Variants in SND1 observed in about 807,000 individuals in gnomAD.
SND1 encodes staphylococcal nuclease domain-containing protein 1.
In SND1, 38 loss-of-function variants were observed where a neutral mutation model predicts 121.7. The observed-to-expected ratio is 0.31, with a 90% CI of 0.24 to 0.41. SND1 has a LOEUF of 0.41. Among genes scored for constraint, SND1 ranks in the 10% least tolerant of loss-of-function variants. SND1 has a pLI of 1.00. For missense variants in SND1, 868 were observed against 1,184.6 expected (o/e 0.73, Z 3.92); for synonymous variants, 401 against 447.4 (o/e 0.90, Z 1.31).
chr7:127,980,578 ATC>A (rs1299630013), intron 15 of SND1, among the ~76,000 whole-genome samples: 4 of 152,114 alleles, frequency 2.6e-5, no homozygotes, highest in African/African-American at 9.7e-5. Context: ...AAGTATACTA[ATC>A]TCTAGACATT....
chr7:127,699,193 A>G (rs1246407251), intron 4 of SND1, among the ~76,000 whole-genome samples: 1 of 152,228 alleles, frequency 6.6e-6, no homozygotes, highest in Non-Finnish European at 1.5e-5. Context: ...CATATTCATA[A>G]GAGTCAACAA....
At chr7:128,050,704 C>T (rs1162361324) in intron 16 of SND1, among the ~76,000 whole-genome samples, 1 of 152,206 alleles carries the variant, frequency 6.6e-6, no homozygotes, top group Non-Finnish European at 1.5e-5. Context: ...TTTATCATGT[C>T]ACCTGCAAAT....
chr7:127,948,777 T>C (rs1305701363), intron 15 of SND1, among the ~76,000 whole-genome samples: 1 of 152,210 alleles, frequency 6.6e-6, no homozygotes, highest in Non-Finnish European at 1.5e-5. Flanking sequence ...GTCTCCCAGA[T>C]ATTTGTGCAA....
At chr7:128,053,452 G>A (rs1374584632) in intron 16 of SND1, among the ~76,000 whole-genome samples, 1 of 152,110 alleles carries the variant, frequency 6.6e-6, no homozygotes, top group African/African-American at 2.4e-5. Flanking sequence ...GAGTCTGAGT[G>A]ACTCTCAGGG....
intron 15 of SND1, among the ~76,000 whole-genome samples, chr7:127,970,769 TA>T: frequency 6.6e-6 from 1 of 152,246 alleles, no homozygotes; most frequent in African/African-American, 2.4e-5. Context: ...GTGATATGTA[TA>T]TTAAATACAT....
intron 12 of SND1, among the ~76,000 whole-genome samples, chr7:127,872,271 G>C (rs976817543): frequency 8.5e-5 from 13 of 152,166 alleles, no homozygotes; most frequent in African/African-American, 2.4e-4. Flanking sequence ...GAGAGAGCTG[G>C]GGTGAGAACC....
chr7:127,775,457 A>G (rs1193017634), intron 10 of SND1, among the ~76,000 whole-genome samples: 2 of 152,030 alleles, frequency 1.3e-5, no homozygotes, highest in African/African-American at 4.8e-5. Flanking sequence ...TATCAAGGGT[A>G]TTCATTTGGA....
At chr7:127,751,737 C>A (rs898158023) in intron 10 of SND1, among the ~76,000 whole-genome samples, 8 of 152,202 alleles carry the variant, frequency 5.3e-5, no homozygotes, top group Non-Finnish European at 1.0e-4. Flanking sequence ...AAGGAGAGTC[C>A]TTGCAGTTTT....
At chr7:127,665,580 A>C (rs1464116346) in intron 1 of SND1, among the ~76,000 whole-genome samples, 4 of 152,220 alleles carry the variant, frequency 2.6e-5, no homozygotes, top group Admixed American at 6.5e-5. Context: ...TAAAGAAAAA[A>C]TTATTCATGA....
chr7:127,835,271 G>C (rs376827350), intron 11 of SND1, among the ~76,000 whole-genome samples: 5 of 152,070 alleles, frequency 3.3e-5, no homozygotes, highest in African/African-American at 9.7e-5. Flanking sequence ...GGGTGACATT[G>C]GGTGTATTTG....
intron 16 of SND1, among the ~76,000 whole-genome samples, chr7:128,049,485 C>T (rs2117018481): frequency 6.6e-6 from 1 of 152,272 alleles, no homozygotes; most frequent in African/African-American, 2.4e-5. Context: ...TCCCCCTCTT[C>T]CTTTCCTTTC....
At chr7:128,086,008 A>G (rs1300334132) in intron 20 of SND1, among the ~76,000 whole-genome samples, 2 of 152,186 alleles carry the variant, frequency 1.3e-5, no homozygotes, top group Non-Finnish European at 2.9e-5. Context: ...GACCCCACGG[A>G]TGAGTGTCCA....
At chr7:127,864,534 G>A (rs759674990) in intron 12 of SND1, among the ~76,000 whole-genome samples, 2 of 151,980 alleles carry the variant, frequency 1.3e-5, no homozygotes, top group East Asian at 1.9e-4. Context: ...GAACAGTTCT[G>A]AATCTGTAAA....
At chr7:127,832,734 C>T (rs1275328165) in intron 11 of SND1, among the ~76,000 whole-genome samples, 2 of 152,194 alleles carry the variant, frequency 1.3e-5, no homozygotes, top group Non-Finnish European at 2.9e-5. Flanking sequence ...TCCCCAAGCC[C>T]CGGACTGCGG....
chr7:127,773,445 C>T (rs563945041), intron 10 of SND1, among the ~76,000 whole-genome samples: 48 of 149,758 alleles, frequency 3.2e-4, no homozygotes, highest in Admixed American at 1.1e-3. Context: ...CAGCAAGACT[C>T]CGTCTCAAAA....
At chr7:127,930,264 C>A (rs1228333585) in intron 15 of SND1, among the ~76,000 whole-genome samples, 1 of 152,126 alleles carries the variant, frequency 6.6e-6, no homozygotes, top group Admixed American at 6.5e-5. Context: ...CTCAGCACTT[C>A]TTACATTGAA....
chr7:127,910,616 T>C (rs1451051259), intron 14 of SND1, among the ~76,000 whole-genome samples: 1 of 152,184 alleles, frequency 6.6e-6, no homozygotes, highest in African/African-American at 2.4e-5. Context: ...CTTACCCTCA[T>C]ATGATTCTAA....
chr7:128,089,740 A>C, intron 22 of SND1, 48 bp downstream of exon 22: 1 of 1,535,918 alleles, frequency 6.5e-7, no homozygotes, highest in South Asian at 1.1e-5. Context: ...CCACCCTCAC[A>C]GAGAAAGGGA....
chr7:127,759,447 T>C (rs1347562554), intron 10 of SND1, among the ~76,000 whole-genome samples: 1 of 152,198 alleles, frequency 6.6e-6, no homozygotes, highest in East Asian at 1.9e-4. Flanking sequence ...GTCCTTTTGA[T>C]GTGTCCCCAT....
Sources: allele counts gnomAD v4.1 joint callset (sites outside exome capture counted in the v4.1 genomes callset), GRCh38; gene constraint gnomAD v4.1.1; transcripts MANE v1.5; gene names NCBI Gene and HGNC (gene_info 2026-07-23, HGNC 2026-07-21).